The following SMIM36 variants were observed in gnomAD, a reference collection of about 807,000 sequenced individuals.
The protein encoded by SMIM36 is small integral membrane protein 36.
chr17:55,481,605 C>T (rs1252051341), intron 1 of SMIM36, among the ~76,000 whole-genome samples: 1 of 152,148 alleles, frequency 6.6e-6, no homozygotes, highest in African/African-American at 2.4e-5. Flanking sequence ...AGTGTTCTAG[C>T]TAAGAAAAAT....
intron 4 of SMIM36, among the ~76,000 whole-genome samples, chr17:55,454,657 CT>C (rs879456135): frequency 3.3e-5 from 5 of 152,114 alleles, no homozygotes; most frequent in African/African-American, 4.8e-5. Flanking sequence ...GTGAAACTTG[CT>C]TTAAAAAAGT....
the SMIM36 span, among the ~76,000 whole-genome samples, chr17:55,527,537 A>G: frequency 5.3e-3 from 807 of 152,234 alleles, 8 homozygotes; most frequent in African/African-American, 0.018. Context: ...CTTATTGTCA[A>G]CTAAAGTGAC....
At position 55,500,875 on chromosome 17, in the gene SMIM36, ATT is replaced by A. The variant is rs1385011447; in HGVS notation, c.*174+10002_*174+10003del. 1.5e-4 allele frequency among the ~76,000 whole-genome samples: 6 copies of A among 40,592 alleles called. 1 individual carries two copies. The highest frequency in any genetic ancestry group is 8.8e-4 in the East Asian group (1 of 1,134). The allele number at this position is 40,592 out of a possible 152,430, so 26.6% of individuals were successfully genotyped here. Reference sequence around the variant, plus strand: ...ATTATAATATATTATAATATATTATATTTTATAATATATATTATAATATATTA... The same window carrying A: ...ATTATAATATATTATAATATATTATATTATAATATATATTATAATATATTA... On this transcript the variant is annotated intron_variant, in intron 1 of 4. Coordinates refer to ENST00000636752, the Ensembl canonical transcript of SMIM36.
At chr17:55,470,236 T>C (rs982628911) in intron 3 of SMIM36, among the ~76,000 whole-genome samples, 14 of 152,156 alleles carry the variant, frequency 9.2e-5, no homozygotes, top group Non-Finnish European at 1.9e-4. Context: ...ACTCTCTGAC[T>C]GACTCCTTCC....
chr17:55,455,732 G>A (rs1243418951), intron 4 of SMIM36, among the ~76,000 whole-genome samples: 1 of 152,140 alleles, frequency 6.6e-6, no homozygotes, highest in Non-Finnish European at 1.5e-5. Context: ...GGTTCGGGCT[G>A]CAGTGAGCTG....
chr17:55,450,511 T>C (rs1908892508), intron 4 of SMIM36, among the ~76,000 whole-genome samples: 1 of 152,222 alleles, frequency 6.6e-6, no homozygotes, highest in Admixed American at 6.5e-5. Context: ...TCTCACAGTG[T>C]TGCAAGTAGA....
the SMIM36 span, among the ~76,000 whole-genome samples, chr17:55,529,974 T>C: frequency 6.6e-6 from 1 of 152,242 alleles, no homozygotes; most frequent in Non-Finnish European, 1.5e-5. Flanking sequence ...TCCATCATCG[T>C]TCATAGAAGA....
At chr17:55,529,154 A>G in the SMIM36 span, among the ~76,000 whole-genome samples, 1 of 152,234 alleles carries the variant, frequency 6.6e-6, no homozygotes, top group Non-Finnish European at 1.5e-5. Context: ...TGAAGAAAAA[A>G]TGGAGGTGAC....
At chr17:55,515,084 G>GTTTTTTTTTTTTTTTTTTTT (rs1567874075), upstream of SMIM36, among the ~76,000 whole-genome samples, 12 of 56,104 alleles carry the variant, frequency 2.1e-4, 5 homozygotes, top group Non-Finnish European at 5.0e-4. Context: ...TTCTAGTCTA[G>GTTTTTTTTTTTTTTTTTTTT]TGTTTTTTTT....
At chr17:55,517,407 C>A in the SMIM36 span, among the ~76,000 whole-genome samples, 1 of 152,134 alleles carries the variant, frequency 6.6e-6, no homozygotes, top group South Asian at 2.1e-4. Flanking sequence ...AAAAATTAGC[C>A]AGGCATGGTG....
chr17:55,510,357 C>A (rs1910158907), intron 1 of SMIM36, among the ~76,000 whole-genome samples: 2 of 152,118 alleles, frequency 1.3e-5, no homozygotes, highest in South Asian at 4.2e-4. Flanking sequence ...ATAATCCCAG[C>A]ATTTTGTGAG....
the SMIM36 span, among the ~76,000 whole-genome samples, chr17:55,520,330 A>G: frequency 6.6e-6 from 1 of 152,236 alleles, no homozygotes; most frequent in African/African-American, 2.4e-5. Flanking sequence ...TTTCATGGAT[A>G]GAAAATTCAT....
chr17:55,520,798 C>T, the SMIM36 span, among the ~76,000 whole-genome samples: 2 of 152,156 alleles, frequency 1.3e-5, no homozygotes, highest in Non-Finnish European at 2.9e-5. Flanking sequence ...AAGAGGGAAG[C>T]CACTGCAATA....
At chr17:55,462,141 T>G (rs1909157138) in intron 4 of SMIM36, among the ~76,000 whole-genome samples, 1 of 152,194 alleles carries the variant, frequency 6.6e-6, no homozygotes, top group African/African-American at 2.4e-5. Flanking sequence ...TTTAGATGGA[T>G]AGACTTGGGT....
At chr17:55,512,805 T>C (rs1045849403), upstream of SMIM36, among the ~76,000 whole-genome samples, 2 of 152,230 alleles carry the variant, frequency 1.3e-5, no homozygotes, top group African/African-American at 4.8e-5. Flanking sequence ...TTTTCTCCAA[T>C]AGCTAATAGG....
At chr17:55,468,583 A>C (rs533049983) in intron 3 of SMIM36, among the ~76,000 whole-genome samples, 1 of 152,144 alleles carries the variant, frequency 6.6e-6, no homozygotes, top group East Asian at 1.9e-4. Flanking sequence ...TCATTCACCC[A>C]CTCACCACAT....
chr17:55,468,868 T>C (rs536814350), intron 3 of SMIM36, among the ~76,000 whole-genome samples: 1 of 152,264 alleles, frequency 6.6e-6, no homozygotes, highest in South Asian at 2.1e-4. Context: ...AACTGGGCAA[T>C]AGTTCCAAGT....
At chr17:55,507,869 T>G (rs976928394) in intron 1 of SMIM36, among the ~76,000 whole-genome samples, 2 of 152,218 alleles carry the variant, frequency 1.3e-5, no homozygotes, top group Non-Finnish European at 2.9e-5. Context: ...TGCTGACATT[T>G]AAAGATGATT....
At position 55,509,939 on chromosome 17, in the gene SMIM36, G is replaced by C. The variant is rs547474204; in HGVS notation, c.*174+940C>G. 4.6e-4 allele frequency among the ~76,000 whole-genome samples: 70 copies of C among 152,218 alleles called. 2 individuals carry two copies. Among genetic ancestry groups the C allele is most frequent in the Non-Finnish European group, 2.2e-4 (15 of 68,024 alleles). On this transcript the variant is annotated intron_variant, in intron 1 of 4. Coordinates refer to ENST00000636752, the Ensembl canonical transcript of SMIM36. ...CTTTCAATGAGTTTTCAATAACTTT[G>C]TATTGGATCAGGCCGGATTTGAGGA... is the stretch of plus-strand genomic sequence containing the variant.
Sources: allele counts gnomAD v4.1 joint callset (sites outside exome capture counted in the v4.1 genomes callset), GRCh38; gene constraint gnomAD v4.1.1; transcripts MANE v1.5; gene names NCBI Gene and HGNC (gene_info 2026-07-23, HGNC 2026-07-21).